The following RPL26L1 variants were observed in gnomAD, a reference collection of about 807,000 sequenced individuals.
RPL26L1 encodes the protein ribosomal protein L26 like 1, also known as ribosomal protein uL24-like.
A neutral mutation model predicts 15.2 loss-of-function variants in RPL26L1; 8 were observed. The observed-to-expected ratio is 0.53, with a 90% CI of 0.31 to 0.95. RPL26L1 has a LOEUF of 0.95. Among genes scored for constraint, RPL26L1 ranks in the 40% least tolerant of loss-of-function variants. The probability of loss-of-function intolerance (pLI) is 0.05; values close to 1 mark genes in which losing one functional copy is unlikely to be tolerated. For synonymous variants in RPL26L1, 51 were observed against 65.9 expected (o/e 0.77, Z 1.09); for missense variants, 146 against 190.9 (o/e 0.76, Z 1.39).
chr5:172,966,692 T>C (rs1755466947), intron 2 of RPL26L1, among the ~76,000 whole-genome samples: 1 of 152,176 alleles, frequency 6.6e-6, no homozygotes, highest in Admixed American at 6.5e-5. Flanking sequence ...TCATGTAGTC[T>C]GTGGTAGATT....
Position 172,962,205 on chromosome 5 carries a change from C to G in RPL26L1, c.168+2164C>G, listed in dbSNP as rs114260009. Among the ~76,000 whole-genome samples the G allele has an allele frequency of 7.1e-3, 1,077 of 152,262 alleles. 4 individuals carry two copies. Among genetic ancestry groups the G allele is most frequent in the South Asian group, 0.019 (94 of 4,826 alleles). On this transcript the variant is annotated intron_variant, in intron 2 of 3. Coordinates refer to ENST00000265100, the MANE Select transcript of RPL26L1 (RefSeq NM_016093.4). ...GAGTGGTATTATTTGCAAATCAGGT[C>G]CTATTTAAAACCTTTGGCAGGCTGG...
In RPL26L1 at chr5:172,959,461, G is replaced by C; in HGVS notation, c.-17G>C. 1 of 1,016,134 alleles carries C rather than the reference G, an allele frequency of 9.8e-7. No homozygotes were observed. Among genetic ancestry groups the C allele is most frequent in the African/African-American group, 1.7e-5 (1 of 59,076 alleles). The allele number at this position is 1,016,134 out of a possible 1,614,324, so 62.9% of individuals were successfully genotyped here. On this transcript the variant is annotated 5_prime_UTR_variant, in exon 1 of 4. Coordinates refer to ENST00000265100, the MANE Select transcript of RPL26L1 (RefSeq NM_016093.4). Reference sequence around the variant, plus strand: ...GCGCACTCAGGGTCTGAGGCAGCTAGTAGCCGGGTGAGTGGAGGCTGGAGT... The same window carrying C: ...GCGCACTCAGGGTCTGAGGCAGCTACTAGCCGGGTGAGTGGAGGCTGGAGT...
chr5:172,959,598 T>C (rs923860828), intron 1 of RPL26L1, 130 bp downstream of exon 1: 12 of 1,236,956 alleles, frequency 9.7e-6, no homozygotes, highest in Non-Finnish European at 1.2e-5. Context: ...CATTCCTGCC[T>C]AACCCTAGCA....
chr5:172,968,932 C>T (rs1343848922), intron 3 of RPL26L1, among the ~76,000 whole-genome samples: 2 of 150,748 alleles, frequency 1.3e-5, no homozygotes, highest in African/African-American at 2.4e-5. Context: ...CTCAGCCTCC[C>T]AAGTAGCTGG....
chr5:172,963,534 G>A (rs779855682), intron 2 of RPL26L1, among the ~76,000 whole-genome samples: 8 of 151,900 alleles, frequency 5.3e-5, no homozygotes, highest in Admixed American at 6.6e-5. Context: ...CTTTTCTCCC[G>A]CTGGAATGTT....
chr5:172,965,050 G>T (rs1451085170), intron 2 of RPL26L1, among the ~76,000 whole-genome samples: 1 of 152,216 alleles, frequency 6.6e-6, no homozygotes, highest in Non-Finnish European at 1.5e-5. Context: ...TGGGCGTGAT[G>T]GCACATGCCT....
intron 2 of RPL26L1, 93 bp from the exon 3 acceptor site, chr5:172,968,366 A>G (rs779479102): frequency 6.8e-6 from 10 of 1,480,194 alleles, no homozygotes; most frequent in African/African-American, 4.2e-5. Flanking sequence ...TGACAAAGTT[A>G]TATGTTTAGC....
chr5:172,958,987 C>T (rs538816241), upstream of RPL26L1: 908 of 152,906 alleles, frequency 5.9e-3, 2 homozygotes, highest in Non-Finnish European at 9.7e-3. Context: ...CTTTGGAAGG[C>T]CGAGGCGGGC....
intron 2 of RPL26L1, among the ~76,000 whole-genome samples, chr5:172,961,746 T>C (rs1755240478): frequency 6.6e-6 from 1 of 152,268 alleles, no homozygotes; most frequent in South Asian, 2.1e-4. Flanking sequence ...AATAATCCGT[T>C]CTTAGAGCTT....
intron 2 of RPL26L1, among the ~76,000 whole-genome samples, chr5:172,967,952 C>G (rs896873038): frequency 6.6e-6 from 1 of 151,734 alleles, no homozygotes; most frequent in African/African-American, 2.4e-5. Context: ...TACACACACA[C>G]ATACACTCAT....
chr5:172,956,639 A>C (rs1435155142), upstream of RPL26L1, among the ~76,000 whole-genome samples: 4 of 152,160 alleles, frequency 2.6e-5, no homozygotes, highest in Non-Finnish European at 5.9e-5. Context: ...CTAAGGGTTC[A>C]TTTAATCCTG....
intron 1 of RPL26L1, 164 bp from the exon 2 acceptor site, chr5:172,959,701 G>A: frequency 9.2e-7 from 1 of 1,091,708 alleles, no homozygotes; most frequent in Admixed American, 2.5e-5. Flanking sequence ...CACTTTATGT[G>A]ATAGTCAGAC....
intron 2 of RPL26L1, among the ~76,000 whole-genome samples, chr5:172,966,610 T>A (rs745953778): frequency 5.0e-5 from 7 of 141,126 alleles, no homozygotes; most frequent in Non-Finnish European, 1.1e-4. Flanking sequence ...AAAAAAAGTG[T>A]GTATGTGTGT....
At chr5:172,962,964 C>G (rs1755299438) in intron 2 of RPL26L1, among the ~76,000 whole-genome samples, 1 of 151,980 alleles carries the variant, frequency 6.6e-6, no homozygotes, top group Non-Finnish European at 1.5e-5. Context: ...ATAAAGGATG[C>G]TATGATATTG....
chr5:172,959,969 C>T lies in RPL26L1; in HGVS notation c.96C>T (p.Ser32=). The part of the protein sequence containing the change: ...PSHVRRKIMS[S]PLSKELRQKY... The stretch of plus-strand genomic sequence containing the variant: ...ACGTGCGCAGGAAGATCATGTCATC[C>T]CCGCTCTCCAAGGAGCTGCGGCAGA... Residue 32 remains serine, a synonymous_variant, in exon 2 of 4, where the codon TCC becomes TCT. Coordinates refer to ENST00000265100, the MANE Select transcript of RPL26L1 (RefSeq NM_016093.4). 6.2e-7 allele frequency: 1 copy of T among 1,614,198 alleles called. No homozygotes were observed. Among genetic ancestry groups the T allele is most frequent in the South Asian group, 1.1e-5 (1 of 91,082 alleles).
At chr5:172,956,667 G>A (rs1001656667), upstream of RPL26L1, among the ~76,000 whole-genome samples, 4 of 152,178 alleles carry the variant, frequency 2.6e-5, no homozygotes, top group Non-Finnish European at 5.9e-5. Flanking sequence ...GCCGGGTGTG[G>A]TGGCTCACAT....
intron 1 of RPL26L1, 117 bp from the exon 2 acceptor site, chr5:172,959,748 C>T (rs1755145969): frequency 2.4e-6 from 3 of 1,269,184 alleles, no homozygotes; most frequent in African/African-American, 1.5e-5. Context: ...GTTGCCTTTT[C>T]AGAGGCTACC....
rs764993104 is a variant in RPL26L1 at position 172,969,634 on chromosome 5, T to A, written c.*93T>A. Reference sequence around the variant, plus strand: ...TTTCGGAATGTCTGGAACATTTCATTTCCTGTTTTGTTACCTGTGCCTCTG... The same window carrying A: ...TTTCGGAATGTCTGGAACATTTCATATCCTGTTTTGTTACCTGTGCCTCTG... On this transcript the variant is annotated 3_prime_UTR_variant, in exon 4 of 4. Transcript: ENST00000265100. The A allele has an allele frequency of 8.9e-5, 117 of 1,307,974 alleles. No homozygotes were observed. The highest frequency in any genetic ancestry group is 1.1e-4 in the Non-Finnish European group (109 of 960,082). The allele number at this position is 1,307,974 out of a possible 1,614,324, so 81.0% of individuals were successfully genotyped here.
At chr5:172,964,883 C>T (rs1755395672) in intron 2 of RPL26L1, among the ~76,000 whole-genome samples, 1 of 152,150 alleles carries the variant, frequency 6.6e-6, no homozygotes, top group Non-Finnish European at 1.5e-5. Context: ...CCTTCTGTTA[C>T]AATGAAAGAA....
Sources: gnomAD v4.1 joint callset for allele counts (sites outside exome capture counted in the v4.1 genomes callset) on GRCh38, gnomAD v4.1.1 for gene constraint, MANE v1.5 for transcripts, NCBI Gene and HGNC (gene_info 2026-07-23, HGNC 2026-07-21) for gene names.